KCNG2: variants seen among roughly 807,000 people sequenced by gnomAD.
KCNG2 encodes the protein potassium voltage-gated channel modifier subfamily G member 2.
In KCNG2, 7 loss-of-function variants were observed where a neutral mutation model predicts 12.3. The ratio of observed to expected loss-of-function variants is 0.57; its 90% CI spans 0.32 to 1.07. The LOEUF is 1.07. KCNG2 is among the 50% of genes least tolerant of loss of function. The probability of loss-of-function intolerance (pLI) is 0.04; values close to 1 mark genes in which losing one functional copy is unlikely to be tolerated. For missense variants in KCNG2, 703 were observed against 726.0 expected (o/e 0.97, Z 0.36); for synonymous variants, 414 against 351.4 (o/e 1.18, Z -1.99).
chr18:79,841,950 G>A (rs188764737), intron 1 of KCNG2, among the ~76,000 whole-genome samples: 13 of 152,324 alleles, frequency 8.5e-5, no homozygotes, highest in African/African-American at 3.1e-4. Context: ...CATGGAAGGA[G>A]AACGAAGCGA....
At chr18:79,887,532 G>A (rs1241544950) in intron 3 of KCNG2, among the ~76,000 whole-genome samples, 1 of 152,142 alleles carries the variant, frequency 6.6e-6, no homozygotes, top group Non-Finnish European at 1.5e-5. Context: ...GACTCAGCCT[G>A]GGCACCTCCT....
chr18:79,883,464 G>A (rs1301114323), intron 3 of KCNG2, among the ~76,000 whole-genome samples: 1 of 152,212 alleles, frequency 6.6e-6, no homozygotes, highest in Non-Finnish European at 1.5e-5. Flanking sequence ...AGAATTTCTA[G>A]GTCAAAGTGC....
Position 79,803,694 on chromosome 18 carries a change from C to T in KCNG2, c.-115+5680C>T, listed in dbSNP as rs2087428351. On this transcript the variant is annotated intron_variant, in intron 1 of 3. Transcript: ENST00000316249. The surrounding 1 kb of genome is among the most constrained non-coding windows in gnomAD (Gnocchi z 4.5). ...GGCGTTTTCTCCCATCCCGCCCCAG[C>T]AGGGAGCCTGCCCTCCTGTCCAGGA... Among the ~76,000 whole-genome samples, 1 of 152,220 alleles carries T rather than the reference C, an allele frequency of 6.6e-6. No individual in the cohort carries two copies. The highest frequency in any genetic ancestry group is 2.1e-4 in the South Asian group (1 of 4,832).
chr18:79,836,518 A>T (rs1027641863), intron 1 of KCNG2, among the ~76,000 whole-genome samples: 11 of 152,248 alleles, frequency 7.2e-5, no homozygotes, highest in African/African-American at 2.7e-4. Context: ...CATGAAACAT[A>T]TACCAAAGTT....
intron 1 of KCNG2, among the ~76,000 whole-genome samples, chr18:79,853,302 A>G: frequency 6.6e-6 from 1 of 152,210 alleles, no homozygotes; most frequent in East Asian, 1.9e-4. Flanking sequence ...TTCAGCGTGA[A>G]CCAAGTGGTG....
At chr18:79,888,504 G>A (rs866001126) in intron 3 of KCNG2, among the ~76,000 whole-genome samples, 1 of 148,202 alleles carries the variant, frequency 6.7e-6, no homozygotes, top group Middle Eastern at 3.3e-3. Flanking sequence ...TCATGAGGCC[G>A]CGGTGGGGCC....
chr18:79,836,755 AACTC>A (rs746044663), intron 1 of KCNG2, among the ~76,000 whole-genome samples: 6 of 152,166 alleles, frequency 3.9e-5, no homozygotes, highest in East Asian at 1.9e-4. Context: ...TCCTTGTAAG[AACTC>A]ACTCACTATC....
intron 3 of KCNG2, among the ~76,000 whole-genome samples, chr18:79,892,461 G>T (rs28446843): frequency 0.032 from 4,836 of 152,224 alleles, 278 homozygotes; most frequent in African/African-American, 0.11. Flanking sequence ...ACAACATATA[G>T]TTCAACTATT....
At chr18:79,823,567 G>A (rs1555691449) in intron 1 of KCNG2, among the ~76,000 whole-genome samples, 1 of 152,094 alleles carries the variant, frequency 6.6e-6, no homozygotes, top group Non-Finnish European at 1.5e-5. Context: ...GCTTGAACAT[G>A]TTTTCCATAC....
Position 79,899,625 on chromosome 18 carries a change from A to C in KCNG2, c.1210A>C (p.Ile404Leu), listed in dbSNP as rs767250806. 1 of 1,602,168 alleles carries C rather than the reference A, an allele frequency of 6.2e-7. No individual in the cohort carries two copies. Among genetic ancestry groups the C allele is most frequent in the South Asian group, 1.1e-5 (1 of 89,512 alleles). ...GCTCATGGCCTTCCCGGTCACCTCC[A>C]TCTTCCACACCTTTTCGCGCTCCTA... Reference protein sequence around the residue: ...ILLMAFPVTSIFHTFSRSYSE... With the variant: ...ILLMAFPVTSLFHTFSRSYSE... The change falls in exon 4 of 4, where the codon ATC (isoleucine) becomes CTC (leucine). Residue 404 changes from isoleucine to leucine, a missense_variant. By Grantham distance (5) the Ile-to-Leu change is conservative (BLOSUM62 2). Coordinates refer to ENST00000316249, the MANE Select transcript of KCNG2 (RefSeq NM_012283.2).
chr18:79,810,601 C>T (rs763566399), intron 1 of KCNG2, among the ~76,000 whole-genome samples: 23 of 149,780 alleles, frequency 1.5e-4, no homozygotes, highest in Non-Finnish European at 3.5e-4. Flanking sequence ...GACCCTGTCT[C>T]TAAAAAAAAA....
At chr18:79,849,031 T>C (rs1310770518) in intron 1 of KCNG2, among the ~76,000 whole-genome samples, 1 of 152,100 alleles carries the variant, frequency 6.6e-6, no homozygotes, top group Non-Finnish European at 1.5e-5. Context: ...ACGGGACCCG[T>C]GCGGACACAG....
intron 3 of KCNG2, among the ~76,000 whole-genome samples, chr18:79,895,234 G>A (rs1045377066): frequency 6.6e-6 from 1 of 151,902 alleles, no homozygotes; most frequent in East Asian, 1.9e-4. Flanking sequence ...GCTTTTGATT[G>A]GGTTGTTCAT....
chr18:79,853,355 CGTGAGGGGTCACCATGGG>C (rs1459321714), intron 1 of KCNG2, among the ~76,000 whole-genome samples: 1 of 152,080 alleles, frequency 6.6e-6, no homozygotes, highest in Non-Finnish European at 1.5e-5. Flanking sequence ...AAACGCCGAG[CGTGAGGGGTCACCATGGG>C]GTGAGGGGTC....
At chr18:79,799,234 G>A (rs2087388800) in intron 1 of KCNG2, among the ~76,000 whole-genome samples, 1 of 152,236 alleles carries the variant, frequency 6.6e-6, no homozygotes, top group Non-Finnish European at 1.5e-5. Context: ...GGGTGACCCC[G>A]CGGGCCACAT....
rs1214766416 is a variant in KCNG2 at position 79,800,571 on chromosome 18, G to A, written c.-115+2557G>A. Among the ~76,000 whole-genome samples, 1 of 152,242 alleles carries A rather than the reference G, an allele frequency of 6.6e-6. No homozygotes were observed. Among genetic ancestry groups the A allele is most frequent in the Non-Finnish European group, 1.5e-5 (1 of 68,036 alleles). ...TCAGAGCCTGCCTCTGACGAGACAT[G>A]TACCCCGCCTTCCCGTGTGGGAGGC... is the stretch of plus-strand genomic sequence containing the variant. On this transcript the variant is annotated intron_variant, in intron 1 of 3. Coordinates refer to ENST00000316249, the MANE Select transcript of KCNG2 (RefSeq NM_012283.2). This position sits in a 1 kb window ranked among gnomAD's most constrained non-coding sequence, Gnocchi z 4.0.
chr18:79,805,013 A>G (rs914409866), intron 1 of KCNG2, among the ~76,000 whole-genome samples: 1 of 152,128 alleles, frequency 6.6e-6, no homozygotes, highest in African/African-American at 2.4e-5. Flanking sequence ...ACATCATATT[A>G]TATTGAAAGC....
At chr18:79,813,148 C>T (rs1339943821) in intron 1 of KCNG2, among the ~76,000 whole-genome samples, 2 of 152,084 alleles carry the variant, frequency 1.3e-5, no homozygotes, top group Non-Finnish European at 2.9e-5. Context: ...GGGTGAGACT[C>T]CATCTTAAAA....
chr18:79,898,076 C>T (rs565605332), intron 3 of KCNG2, among the ~76,000 whole-genome samples: 36 of 152,346 alleles, frequency 2.4e-4, no homozygotes, highest in East Asian at 1.5e-3. Flanking sequence ...GTCTAGGCTA[C>T]GTGGTCAGCA....
Sources: gnomAD v4.1 joint callset for allele counts (sites outside exome capture counted in the v4.1 genomes callset) on GRCh38, gnomAD v4.1.1 for gene constraint, Gnocchi (gnomAD v3.1) non-coding constraint, MANE v1.5 for transcripts, NCBI Gene and HGNC (gene_info 2026-07-23, HGNC 2026-07-21) for gene names.